Variants in GPR19 observed in about 807,000 individuals in gnomAD.
The protein encoded by GPR19 is probable G protein-coupled receptor 19.
GPR19 carries 14 observed loss-of-function variants against 28.5 expected under a neutral mutation model. The ratio of observed to expected loss-of-function variants is 0.49; its 90% CI spans 0.32 to 0.77. The LOEUF is 0.77. GPR19 is among the 30% of genes least tolerant of loss of function. The probability of loss-of-function intolerance (pLI) is 0.03; values close to 1 mark genes in which losing one functional copy is unlikely to be tolerated. For missense variants in GPR19, 409 were observed against 504.1 expected, an observed-to-expected ratio of 0.81 and a Z score of 1.81; for synonymous variants, 173 against 184.1, an observed-to-expected ratio of 0.94 and a Z score of 0.49.
intron 3 of GPR19, among the ~76,000 whole-genome samples, chr12:12,680,386 A>G (rs1448181904): frequency 6.6e-6 from 1 of 152,242 alleles, no homozygotes; most frequent in Non-Finnish European, 1.5e-5. Context: ...ACAGACATGC[A>G]GTGTCTGGGA....
intron 3 of GPR19, among the ~76,000 whole-genome samples, chr12:12,682,459 T>G (rs572815517): frequency 2.0e-5 from 3 of 152,298 alleles, no homozygotes; most frequent in African/African-American, 7.2e-5. Flanking sequence ...TTTTGAGTCT[T>G]CTCAGTCTTC....
chr12:12,701,201 CTGTT>C (rs1473100070), upstream of GPR19, among the ~76,000 whole-genome samples: 1 of 152,224 alleles, frequency 6.6e-6, no homozygotes, highest in Middle Eastern at 3.2e-3. Flanking sequence ...AAACAAGCCT[CTGTT>C]TGCACCAAAG....
the GPR19 span, among the ~76,000 whole-genome samples, chr12:12,714,328 C>T: frequency 3.3e-5 from 5 of 152,156 alleles, no homozygotes; most frequent in African/African-American, 1.2e-4. Context: ...GGCAAGGAAC[C>T]GTGAACCTTC....
At chr12:12,679,428 CAAAAA>C (rs3080711) in intron 3 of GPR19, among the ~76,000 whole-genome samples, 3 of 123,994 alleles carry the variant, frequency 2.4e-5, no homozygotes. Context: ...CTGTCTCTAT[CAAAAA>C]AAAAAAAAAA....
At chr12:12,708,996 C>T in the GPR19 span, among the ~76,000 whole-genome samples, 9 of 151,428 alleles carry the variant, frequency 5.9e-5, no homozygotes, top group African/African-American at 2.2e-4. Flanking sequence ...TGCAGTGAGC[C>T]AAGATCACGC....
At position 12,662,265 on chromosome 12, in the gene GPR19, G is replaced by C. The variant is rs758235242; in HGVS notation, c.184C>G (p.Pro62Ala). 22 of 1,614,074 alleles carry C rather than the reference G, an allele frequency of 1.4e-5. No individual in the cohort carries two copies. Among genetic ancestry groups the C allele is most frequent in the Non-Finnish European group, 1.8e-5 (21 of 1,180,044 alleles). Reference sequence around the variant, plus strand: ...ATGCTGGCTGTGGCCACTTCCCCGGGTTTCAGCACATAGTGAAGGTCTGTT... The same window carrying C: ...ATGCTGGCTGTGGCCACTTCCCCGGCTTTCAGCACATAGTGAAGGTCTGTT... ...NQTDLHYVLK[P>A]GEVATASIFF... Residue 62 changes from proline to alanine, a missense_variant, in exon 4 of 4, where the codon CCC (proline) becomes GCC (alanine). By Grantham distance (27) the Pro-to-Ala change is conservative. Transcript: ENST00000651487.
At chr12:12,675,342 T>C (rs1945916167) in intron 3 of GPR19, among the ~76,000 whole-genome samples, 1 of 152,164 alleles carries the variant, frequency 6.6e-6, no homozygotes, top group African/African-American at 2.4e-5. Flanking sequence ...TCAGTAATGT[T>C]TGCCATTGAT....
At chr12:12,674,691 T>C (rs553975982) in intron 3 of GPR19, among the ~76,000 whole-genome samples, 5 of 152,262 alleles carry the variant, frequency 3.3e-5, no homozygotes, top group African/African-American at 1.2e-4. Context: ...AAATCTCTTT[T>C]GAAAACCTGT....
the GPR19 span, chr12:12,716,920 C>G: frequency 1.1e-4 from 106 of 984,600 alleles, no homozygotes; most frequent in African/African-American, 1.2e-4. Context: ...GAGGGCCGAG[C>G]TGGGGGCAGC....
chr12:12,669,959 G>A (rs945678806), intron 3 of GPR19, among the ~76,000 whole-genome samples: 2 of 152,118 alleles, frequency 1.3e-5, no homozygotes, highest in African/African-American at 4.8e-5. Flanking sequence ...TTGAACTCCT[G>A]GGCTCAAGCA....
At chr12:12,700,376 T>TA (rs1946313933), upstream of GPR19, among the ~76,000 whole-genome samples, 1 of 152,044 alleles carries the variant, frequency 6.6e-6, no homozygotes, top group Admixed American at 6.6e-5. Context: ...GTTGTTTTGT[T>TA]AGACTCTCTC....
chr12:12,704,539 T>G, the GPR19 span, among the ~76,000 whole-genome samples: 1 of 152,132 alleles, frequency 6.6e-6, no homozygotes, highest in Non-Finnish European at 1.5e-5. Context: ...ATAAAATAAT[T>G]GTTAAATTCA....
chr12:12,675,947 A>G (rs1945923925), intron 3 of GPR19, among the ~76,000 whole-genome samples: 1 of 152,172 alleles, frequency 6.6e-6, no homozygotes, highest in African/African-American at 2.4e-5. Context: ...TGAGATAATA[A>G]ACAGTGTTAT....
In GPR19 at chr12:12,660,994, G is replaced by A; in HGVS notation, c.*207C>T. 3 of 496,326 alleles carry A rather than the reference G, an allele frequency of 6.0e-6. No individual in the cohort carries two copies. Among genetic ancestry groups the A allele is most frequent in the Non-Finnish European group, 1.1e-5 (3 of 283,988 alleles). 30.7% of individuals were successfully genotyped at this position (496,326 alleles called of 1,614,324 possible). ...ATATATTAATAGTAAAAGGACTGTTGGCTAAAGTTCAAAGTGAACGCTTTT... is the reference window on the plus strand; with the variant it reads ...ATATATTAATAGTAAAAGGACTGTTAGCTAAAGTTCAAAGTGAACGCTTTT... On this transcript the variant is annotated 3_prime_UTR_variant, in exon 4 of 4. Transcript: ENST00000651487.
chr12:12,662,226 G>T lies in GPR19; in HGVS notation c.223C>A (p.Leu75Met). Residue 75 changes from leucine (L) to methionine (M), a missense_variant, in exon 4 of 4, where the codon CTG (leucine) becomes ATG (methionine). Coordinates refer to ENST00000651487, the MANE Select transcript of GPR19 (RefSeq NM_006143.3). Reference protein sequence around the residue: ...VATASIFFGILWLFSIFGNSL... With the variant: ...VATASIFFGIMWLFSIFGNSL... ...TTGCCGAAGATAGAAAACAACCACA[G>T]AATCCCAAAGAAGATGCTGGCTGTG... The T allele has an allele frequency of 6.2e-7, 1 of 1,614,218 alleles. No individual in the cohort carries two copies. The highest frequency in any genetic ancestry group is 8.5e-7 in the Non-Finnish European group (1 of 1,180,040).
chr12:12,710,351 C>T, the GPR19 span, among the ~76,000 whole-genome samples: 2 of 52,098 alleles, frequency 3.8e-5, no homozygotes, highest in African/African-American at 1.0e-4. Context: ...GGAGCTCCAT[C>T]TCCAAAAAAA....
At chr12:12,685,534 G>T (rs1946083843) in intron 2 of GPR19, among the ~76,000 whole-genome samples, 1 of 152,112 alleles carries the variant, frequency 6.6e-6, no homozygotes, top group Non-Finnish European at 1.5e-5. Context: ...TGAAGAGGAT[G>T]ATTTCTTTTA....
At chr12:12,674,640 C>T (rs11055011) in intron 3 of GPR19, among the ~76,000 whole-genome samples, 3,077 of 152,176 alleles carry the variant, frequency 0.02, 93 homozygotes, top group African/African-American at 0.064. Flanking sequence ...TAGATATCCA[C>T]GTAGAGATAT....
chr12:12,698,831 C>T (rs752583517), upstream of GPR19, among the ~76,000 whole-genome samples: 14 of 151,718 alleles, frequency 9.2e-5, no homozygotes, highest in Non-Finnish European at 1.5e-4. Context: ...AGGCTAGTCT[C>T]AAATTCCTGA....
Sources: allele counts gnomAD v4.1 joint callset (sites outside exome capture counted in the v4.1 genomes callset), GRCh38; gene constraint gnomAD v4.1.1; transcripts MANE v1.5; gene names NCBI Gene and HGNC (gene_info 2026-07-23, HGNC 2026-07-21).